NHSL1: variants seen among roughly 807,000 people sequenced by gnomAD.
NHSL1 encodes NHS-like protein 1.
NHSL1 carries 48 observed loss-of-function variants against 95.0 expected under a neutral mutation model. That is an observed-to-expected ratio of 0.51 (90% CI 0.40 to 0.64). The LOEUF is 0.64. NHSL1 is among the 30% of genes least tolerant of loss of function. The pLI is 0.00. For missense variants in NHSL1, 1,971 were observed against 2,077.7 expected, an observed-to-expected ratio of 0.95 and a Z score of 1.00; for synonymous variants, 783 against 833.9, an observed-to-expected ratio of 0.94 and a Z score of 1.05.
chr6:138,623,005 T>A lies in NHSL1; in HGVS notation c.96+69471A>T, dbSNP rs6928475. On this transcript the variant is annotated intron_variant, in intron 1 of 3. Transcript: ENST00000491526. ...GAAAAGGGGATATGGGAAAGTAACA[T>A]ACGCATAATACAGGGCCCTGCAACA... Among the ~76,000 whole-genome samples, 3 of 152,054 alleles carry A rather than the reference T, an allele frequency of 2.0e-5. No homozygotes were observed. In the East Asian group the frequency reaches 5.8e-4, roughly 29 times the overall value.
chr6:138,533,042 T>G (rs1183478913), intron 1 of NHSL1, among the ~76,000 whole-genome samples: 1 of 152,226 alleles, frequency 6.6e-6, no homozygotes, highest in Non-Finnish European at 1.5e-5. Context: ...AGGTGCACTC[T>G]GACTTGGGGT....
At chr6:138,559,824 A>G (rs1783345495) in intron 1 of NHSL1, among the ~76,000 whole-genome samples, 1 of 152,266 alleles carries the variant, frequency 6.6e-6, no homozygotes, top group African/African-American at 2.4e-5. Flanking sequence ...ACAGAGTACC[A>G]TATGTAGACA....
chr6:138,436,532 T>C (rs111571351), intron 5 of NHSL1, among the ~76,000 whole-genome samples: 1,764 of 152,358 alleles, frequency 0.012, 32 homozygotes, highest in African/African-American at 0.04. Flanking sequence ...GAGCCATTTA[T>C]ATAACATAAA....
chr6:138,594,753 G>A (rs1326049239), intron 1 of NHSL1, among the ~76,000 whole-genome samples: 2 of 152,172 alleles, frequency 1.3e-5, no homozygotes, highest in African/African-American at 4.8e-5. Context: ...AGATTTTAAT[G>A]AGACCCCAAG....
intron 1 of NHSL1, among the ~76,000 whole-genome samples, chr6:138,609,516 C>T (rs1331647310): frequency 2.0e-5 from 3 of 151,876 alleles, no homozygotes; most frequent in South Asian, 2.1e-4. Context: ...TTTGGGAGGC[C>T]GAGGTGGGCG....
chr6:138,686,951 T>C (rs774864908), intron 1 of NHSL1, among the ~76,000 whole-genome samples: 2 of 152,178 alleles, frequency 1.3e-5, no homozygotes, highest in African/African-American at 4.8e-5. Flanking sequence ...AACCTGATGG[T>C]GCAATCTGAC....
chr6:138,431,203 G>A lies in NHSL1; in HGVS notation c.3142C>T (p.Arg1048Trp), dbSNP rs868627231. 1.1e-5 allele frequency: 17 copies of A among 1,539,824 alleles called. No individual in the cohort carries two copies. Among genetic ancestry groups the A allele is most frequent in the African/African-American group, 8.3e-5 (6 of 72,600 alleles). Reference sequence around the variant, plus strand: ...GTAGAAGGCGGCCTCAAGGATCCCCGGGAGGATTCTGGCTGGCCAGAATTT... The same window carrying A: ...GTAGAAGGCGGCCTCAAGGATCCCCAGGAGGATTCTGGCTGGCCAGAATTT... ...FTNSGQPESS[R>W]GSLRPPSTKE... Residue 1048 changes from arginine (R) to tryptophan (W), a missense_variant, in exon 6 of 8, where the codon CGG (arginine) becomes TGG (tryptophan). Physicochemically the swap from Arg to Trp is moderately radical, Grantham distance 101. Coordinates refer to ENST00000343505, the MANE Select transcript of NHSL1 (RefSeq NM_001144060.2). The surrounding 1 kb of genome is among the most constrained non-coding windows in gnomAD (Gnocchi z 4.0).
intron 3 of NHSL1, among the ~76,000 whole-genome samples, chr6:138,462,693 C>G (rs1211906706): frequency 6.6e-6 from 1 of 152,236 alleles, no homozygotes; most frequent in Non-Finnish European, 1.5e-5. Flanking sequence ...TATAGTAGGA[C>G]TGCTAGGCAG....
rs938511130 is a variant in NHSL1 at position 138,431,213 on chromosome 6, T to C, written c.3132A>G (p.Pro1044=). The change falls in exon 6 of 8, where the codon CCA becomes CCG. Residue 1044 remains proline (P), a synonymous_variant. Transcript: ENST00000343505. The surrounding 1 kb of genome is among the most constrained non-coding windows in gnomAD (Gnocchi z 4.0). ...TRPPFTNSGQ[P]ESSRGSLRPP... is the part of the protein sequence containing the mutation. Reference sequence around the variant, plus strand: ...GCCTCAAGGATCCCCGGGAGGATTCTGGCTGGCCAGAATTTGTGAAAGGCG... The same window carrying C: ...GCCTCAAGGATCCCCGGGAGGATTCCGGCTGGCCAGAATTTGTGAAAGGCG... The C allele has an allele frequency of 2.0e-6, 3 of 1,532,780 alleles. No homozygotes were observed. The highest frequency in any genetic ancestry group is 4.1e-5 in the Admixed American group (2 of 48,840). 94.9% of individuals were successfully genotyped at this position (1,532,780 alleles called of 1,614,324 possible). A position where few individuals can be genotyped will look rare whatever the true frequency, so the allele number is the denominator to read the frequency against.
Position 138,432,989 on chromosome 6 carries a change from G to T in NHSL1, c.1356C>A (p.Asp452Glu). ...GSSHARIKSR[D>E]HLISRHAVKG... ...TCACAGCATGCCTGGAGATGAGGTG[G>T]TCTCTGGATTTTATCCTTGCATGTG... Residue 452 changes from aspartate (D) to glutamate (E), a missense_variant, in exon 6 of 8, where the codon GAC becomes GAA. By Grantham distance (45) the Asp-to-Glu change is conservative. Transcript: ENST00000343505. The surrounding 1 kb of genome is among the most constrained non-coding windows in gnomAD (Gnocchi z 4.4). 6.4e-7 allele frequency: 1 copy of T among 1,551,568 alleles called. No individual in the cohort carries two copies. Among genetic ancestry groups the T allele is most frequent in the African/African-American group, 1.4e-5 (1 of 73,150 alleles).
At chr6:138,594,624 C>T (rs143791434) in intron 1 of NHSL1, among the ~76,000 whole-genome samples, 2 of 151,998 alleles carry the variant, frequency 1.3e-5, no homozygotes, top group African/African-American at 2.4e-5. Flanking sequence ...TAAGCAGCAC[C>T]GAGAGCTGAA....
intron 2 of NHSL1, among the ~76,000 whole-genome samples, chr6:138,490,877 C>T (rs1184125728): frequency 6.6e-6 from 1 of 152,208 alleles, no homozygotes; most frequent in Non-Finnish European, 1.5e-5. Flanking sequence ...CGTGATCCGC[C>T]CGCCTTGGCC....
intron 1 of NHSL1, among the ~76,000 whole-genome samples, chr6:138,536,594 TATGTC>T (rs1489434288): frequency 1.4e-5 from 2 of 141,058 alleles, no homozygotes; most frequent in Non-Finnish European, 3.0e-5. Flanking sequence ...GAGAGGGACA[TATGTC>T]ATCTTTTTTT....
At chr6:138,528,296 C>T (rs1372146687) in intron 1 of NHSL1, among the ~76,000 whole-genome samples, 1 of 151,438 alleles carries the variant, frequency 6.6e-6, no homozygotes, top group East Asian at 1.9e-4. Flanking sequence ...GTGAAAGAGC[C>T]AGAGGTATTC....
intron 1 of NHSL1, among the ~76,000 whole-genome samples, chr6:138,593,405 T>C (rs1784259638): frequency 6.6e-6 from 1 of 152,250 alleles, no homozygotes; most frequent in African/African-American, 2.4e-5. Flanking sequence ...ATGCTGGGCT[T>C]TGGTAGCACA....
chr6:138,658,250 C>T (rs1414007408), intron 1 of NHSL1, among the ~76,000 whole-genome samples: 3 of 152,166 alleles, frequency 2.0e-5, no homozygotes, highest in Non-Finnish European at 4.4e-5. Context: ...AAATTTCATA[C>T]ATTATCATAT....
rs113615261 is a variant in NHSL1, at chr6:138,673,031, G to GTAGA, written c.96+19441_96+19444dup. Among the ~76,000 whole-genome samples, 547 of 148,160 alleles carry GTAGA rather than the reference G, an allele frequency of 3.7e-3. 1 individual carries two copies. Among genetic ancestry groups the GTAGA allele is most frequent in the Admixed American group, 6.2e-3 (93 of 15,016 alleles). On this transcript the variant is annotated intron_variant, in intron 1 of 3. Coordinates refer to the NHSL1 transcript ENST00000491526. ...GTCTCATAGATAGCTAGATAGATAG[G>GTAGA]TAGATAGATAGATAGATAGATAGAT... is the stretch of plus-strand genomic sequence containing the variant.
Position 138,433,618 on chromosome 6 carries a change from T to C in NHSL1, c.727A>G (p.Thr243Ala), listed in dbSNP as rs1382837930. 1.3e-6 allele frequency: 2 copies of C among 1,552,048 alleles called. No individual in the cohort carries two copies. Among genetic ancestry groups the C allele is most frequent in the Non-Finnish European group, 1.7e-6 (2 of 1,147,090 alleles). ...HSVYTPDHYS[T>A]LGRFNSCRSA... is the part of the protein sequence containing the mutation. Reference sequence around the variant, plus strand: ...CGACAGCTATTGAACCTTCCTAGTGTAGAGTAGTGATCAGGGGTGTACACT... The same window carrying C: ...CGACAGCTATTGAACCTTCCTAGTGCAGAGTAGTGATCAGGGGTGTACACT... Residue 243 changes from threonine (T) to alanine (A), a missense_variant, in exon 6 of 8, where the codon ACA becomes GCA. By Grantham distance (58) the Thr-to-Ala change is moderately conservative. Transcript: ENST00000343505.
chr6:138,557,611 A>G (rs1018352975), intron 1 of NHSL1, among the ~76,000 whole-genome samples: 1 of 152,266 alleles, frequency 6.6e-6, no homozygotes, highest in African/African-American at 2.4e-5. Context: ...CCATCAGGGC[A>G]TCACCAGGTC....
Sources: gnomAD v4.1 joint callset for allele counts (sites outside exome capture counted in the v4.1 genomes callset) on GRCh38, gnomAD v4.1.1 for gene constraint, Gnocchi (gnomAD v3.1) non-coding constraint, MANE v1.5 for transcripts, NCBI Gene and HGNC (gene_info 2026-07-23, HGNC 2026-07-21) for gene names.